RBMS3: variants seen among roughly 807,000 people sequenced by gnomAD.
RBMS3 encodes the protein RNA-binding motif, single-stranded-interacting protein 3.
Under a neutral mutation model 66.8 loss-of-function variants are expected in RBMS3, and 27 were observed. The ratio of observed to expected loss-of-function variants is 0.40; its 90% CI spans 0.30 to 0.56. The LOEUF (loss-of-function observed/expected upper bound fraction) is 0.56. RBMS3 is among the 20% of genes least tolerant of loss of function. The pLI is 0.40. For missense variants in RBMS3, 513 were observed against 549.5 expected (o/e 0.93, Z 0.66); for synonymous variants, 188 against 183.0 (o/e 1.03, Z -0.22).
At chr3:29,946,332 A>G (rs1695303737) in intron 12 of RBMS3, among the ~76,000 whole-genome samples, 1 of 151,672 alleles carries the variant, frequency 6.6e-6, no homozygotes, top group African/African-American at 2.4e-5. Context: ...GACAAAACAA[A>G]TAACTCTTTG....
intron 11 of RBMS3, among the ~76,000 whole-genome samples, chr3:29,939,213 G>A (rs998667116): frequency 2.0e-5 from 3 of 151,910 alleles, no homozygotes; most frequent in Non-Finnish European, 4.4e-5. Flanking sequence ...AATGAATGAA[G>A]TGGATCAAGT....
chr3:29,483,309 CAAAA>C (rs72225547), intron 2 of RBMS3, among the ~76,000 whole-genome samples: 2 of 75,588 alleles, frequency 2.6e-5, no homozygotes, highest in Non-Finnish European at 6.4e-5. Context: ...TTCGTCTTAA[CAAAA>C]AAAAAAAAAA....
chr3:29,486,485 C>CT (rs921806820), intron 2 of RBMS3, among the ~76,000 whole-genome samples: 1 of 151,932 alleles, frequency 6.6e-6, no homozygotes, highest in Non-Finnish European at 1.5e-5. Context: ...GTATGGTTTG[C>CT]TTTTTTGGAC....
intron 1 of RBMS3, among the ~76,000 whole-genome samples, chr3:29,287,371 A>AT (rs578078866): frequency 2.0e-4 from 30 of 151,664 alleles, no homozygotes; most frequent in African/African-American, 7.0e-4. Context: ...GAAATTATAA[A>AT]TTTTTTTTTA....
intron 7 of RBMS3, chr3:29,880,771 T>C: frequency 6.5e-7 from 1 of 1,535,766 alleles, no homozygotes; most frequent in South Asian, 1.2e-5. Context: ...TGTCTCCTCT[T>C]GCCAAAGGTA....
At chr3:29,599,129 C>G (rs1444835699) in intron 4 of RBMS3, among the ~76,000 whole-genome samples, 1 of 149,102 alleles carries the variant, frequency 6.7e-6, no homozygotes, top group Admixed American at 6.7e-5. Flanking sequence ...GAAAACATGG[C>G]AAGCATGGTG....
chr3:29,516,280 G>A (rs1190264174), intron 3 of RBMS3, among the ~76,000 whole-genome samples: 1 of 152,098 alleles, frequency 6.6e-6, no homozygotes, highest in East Asian at 1.9e-4. Flanking sequence ...TGTATTTCTA[G>A]GACATCCGAT....
At chr3:29,937,068 T>C (rs188116784) in intron 11 of RBMS3, among the ~76,000 whole-genome samples, 35 of 152,164 alleles carry the variant, frequency 2.3e-4, no homozygotes, top group Admixed American at 2.2e-3. Context: ...GAAATAAAAA[T>C]ATGTTTTCTT....
intron 1 of RBMS3, among the ~76,000 whole-genome samples, chr3:29,306,358 G>T (rs1363075984): frequency 1.3e-5 from 2 of 151,900 alleles, no homozygotes; most frequent in Non-Finnish European, 2.9e-5. Context: ...GAGACTATTG[G>T]CTTCTTCAGC....
In RBMS3 at chr3:30,008,994, A is replaced by G. The variant is rs566592519; in HGVS notation, c.*5132A>G. The G allele has an allele frequency of 1.3e-5, 2 of 152,250 alleles. No individual in the cohort carries two copies. The highest frequency in any genetic ancestry group is 6.5e-5 in the Admixed American group (1 of 15,292). The allele number at this position is 152,250 out of a possible 1,614,324, so 9.4% of individuals were successfully genotyped here. On this transcript the variant is annotated 3_prime_UTR_variant, in exon 15 of 15. Coordinates refer to ENST00000383767, the MANE Select transcript of RBMS3 (RefSeq NM_001003793.3). ...ATATAGATACTCTCTATAGCAAAAA[A>G]GGGATGAATGGCTTTCAATATTCAT...
At chr3:29,930,063 C>T (rs2061068207) in intron 10 of RBMS3, among the ~76,000 whole-genome samples, 2 of 147,166 alleles carry the variant, frequency 1.4e-5, no homozygotes, top group South Asian at 2.2e-4. Context: ...TATTAGTTGT[C>T]GGGAACAGAC....
At chr3:29,425,216 C>CAAA (rs71091059) in intron 1 of RBMS3, among the ~76,000 whole-genome samples, 2,672 of 119,920 alleles carry the variant, frequency 0.022, 58 homozygotes, top group African/African-American at 0.067. Flanking sequence ...CCAAAAAAAA[C>CAAA]AAAAAAAAAA....
intron 6 of RBMS3, among the ~76,000 whole-genome samples, chr3:29,795,756 G>A (rs1163374643): frequency 1.3e-5 from 2 of 152,064 alleles, no homozygotes; most frequent in African/African-American, 4.8e-5. Context: ...CTTGTAAAAA[G>A]GTCCATTCCA....
chr3:29,605,863 G>A (rs187770723), intron 4 of RBMS3, among the ~76,000 whole-genome samples: 12 of 151,686 alleles, frequency 7.9e-5, no homozygotes, highest in African/African-American at 2.2e-4. Context: ...CAAGAAGATC[G>A]TCACAACTAT....
intron 10 of RBMS3, among the ~76,000 whole-genome samples, chr3:29,902,426 T>A (rs1247831706): frequency 1.3e-5 from 2 of 151,856 alleles, no homozygotes. Flanking sequence ...TCTACCACAT[T>A]CATAGTGCTA....
At chr3:29,991,615 G>T (rs980437590) in intron 14 of RBMS3, 1 of 157,420 alleles carries the variant, frequency 6.4e-6, no homozygotes, top group African/African-American at 2.4e-5. Flanking sequence ...ATTTTCTACT[G>T]TCTCATTAGC....
rs2046326293 is a variant in RBMS3, at chr3:29,555,490, C to T, written c.308-31624C>T. Among the ~76,000 whole-genome samples, 3 of 152,104 alleles carry T rather than the reference C, an allele frequency of 2.0e-5. No homozygotes were observed. The South Asian group carries it at 6.2e-4, about 31-fold the overall frequency. ...GTATGAAGGCCAAGTAATCCGTCTG[C>T]TTGAGGATCTAGAAGGAATTAGAAT... On this transcript the variant is annotated intron_variant, in intron 3 of 14. Coordinates refer to ENST00000383767, the MANE Select transcript of RBMS3 (RefSeq NM_001003793.3).
chr3:29,495,851 C>T (rs1476804955), intron 3 of RBMS3, among the ~76,000 whole-genome samples: 1 of 152,080 alleles, frequency 6.6e-6, no homozygotes, highest in Non-Finnish European at 1.5e-5. Context: ...TAACAAGTGA[C>T]ACTGACATGC....
At chr3:29,588,507 C>T (rs780215572) in intron 4 of RBMS3, among the ~76,000 whole-genome samples, 8 of 152,060 alleles carry the variant, frequency 5.3e-5, no homozygotes, top group Non-Finnish European at 1.0e-4. Flanking sequence ...TCTTCATCTT[C>T]AGTTGTCTTC....
Sources: gnomAD v4.1 joint callset for allele counts (sites outside exome capture counted in the v4.1 genomes callset) on GRCh38, gnomAD v4.1.1 for gene constraint, MANE v1.5 for transcripts, NCBI Gene and HGNC (gene_info 2026-07-23, HGNC 2026-07-21) for gene names.